The following SLC1A7 variants were observed in gnomAD, a reference collection of about 807,000 sequenced individuals.
SLC1A7 encodes excitatory amino acid transporter 5.
In SLC1A7, 40 loss-of-function variants were observed where a neutral mutation model predicts 47.7. The observed-to-expected ratio is 0.84, with a 90% CI of 0.65 to 1.09. The LOEUF (loss-of-function observed/expected upper bound fraction) is 1.09, where lower values mean the gene tolerates loss of function less well. Among genes scored for constraint, SLC1A7 ranks in the 50% least tolerant of loss-of-function variants. The pLI, the probability that SLC1A7 is intolerant of heterozygous loss-of-function variation, is 0.00. For synonymous variants in SLC1A7, 323 were observed against 325.6 expected, an observed-to-expected ratio of 0.99 and a Z score of 0.09; for missense variants, 746 against 769.5, an observed-to-expected ratio of 0.97 and a Z score of 0.36.
intron 9 of SLC1A7, 31 bp from the exon 10 acceptor site, chr1:53,089,010 G>A (rs1644390954): frequency 6.5e-7 from 1 of 1,548,650 alleles, no homozygotes; most frequent in Non-Finnish European, 8.9e-7. Flanking sequence ...GTGAGTGGTG[G>A]GCACTTGAAG....
intron 1 of SLC1A7, among the ~76,000 whole-genome samples, 180 bp from the exon 2 acceptor site, chr1:53,134,609 C>G (rs1400745771): frequency 6.6e-6 from 1 of 152,126 alleles, no homozygotes; most frequent in African/African-American, 2.4e-5. Flanking sequence ...CTGGTAAACA[C>G]CCCGCCTCCA....
chr1:53,105,711 A>G (rs991406725), intron 4 of SLC1A7, 21 bp downstream of exon 4: 6 of 1,600,648 alleles, frequency 3.7e-6, no homozygotes, highest in Non-Finnish European at 4.3e-6. Flanking sequence ...CCTCCCCTCC[A>G]CTGCCCAGAG....
intron 1 of SLC1A7, among the ~76,000 whole-genome samples, chr1:53,140,635 A>G (rs1645048571): frequency 6.6e-6 from 1 of 152,178 alleles, no homozygotes; most frequent in Non-Finnish European, 1.5e-5. Context: ...TTTAACAGGT[A>G]CATAAGGGAG....
At chr1:53,104,950 G>A (rs1014417857) in intron 4 of SLC1A7, among the ~76,000 whole-genome samples, 1 of 152,214 alleles carries the variant, frequency 6.6e-6, no homozygotes, top group Non-Finnish European at 1.5e-5. Flanking sequence ...ACTGAAAGGG[G>A]GAGTGGGAAA....
intron 2 of SLC1A7, among the ~76,000 whole-genome samples, chr1:53,128,733 C>A (rs1293111619): frequency 7.0e-6 from 1 of 142,268 alleles, no homozygotes; most frequent in Non-Finnish European, 1.6e-5. Flanking sequence ...GGGCAGGGGA[C>A]AGGTGAGCTG....
intron 3 of SLC1A7, chr1:53,108,197 C>T: frequency 4.8e-6 from 1 of 207,990 alleles, no homozygotes; most frequent in Non-Finnish European, 9.7e-6. Flanking sequence ...CTCCAACCTG[C>T]CGCCCCACAC....
At chr1:53,136,543 T>TA (rs1644996255) in intron 1 of SLC1A7, among the ~76,000 whole-genome samples, 5 of 56,748 alleles carry the variant, frequency 8.8e-5, no homozygotes, top group Admixed American at 3.1e-4. Flanking sequence ...TAAACATATA[T>TA]ATAATATATA....
In SLC1A7 at chr1:53,096,675, A is replaced by G. The variant is rs60465442; in HGVS notation, c.698-3115T>C. 6.9e-3 allele frequency among the ~76,000 whole-genome samples: 1,041 copies of G among 150,924 alleles called. 6 individuals are homozygous for G. The highest frequency in any genetic ancestry group is 0.022 in the African/African-American group (916 of 41,070). ...ACACATCCACACACACTGCCTCAGT[A>G]CACACACACACCGCCTCAATACACT... On this transcript the variant is annotated intron_variant, in intron 5 of 10. Transcript: ENST00000371494.
At chr1:53,097,052 C>T (rs527287333) in intron 5 of SLC1A7, among the ~76,000 whole-genome samples, 28 of 148,946 alleles carry the variant, frequency 1.9e-4, no homozygotes, top group African/African-American at 5.7e-4. Context: ...CAACCTGCCT[C>T]GGTACAATCA....
rs140446430 is a variant in SLC1A7 at position 53,121,271 on chromosome 1, G to A, written c.216-6298C>T. On this transcript the variant is annotated intron_variant, in intron 2 of 10. Transcript: ENST00000371494. ...TGACATTCTAGATCAGACGTGAAAA[G>A]GACGACTTGTGTGCCCAGGTGACTG... Among the ~76,000 whole-genome samples, 124 of 152,322 alleles carry A rather than the reference G, an allele frequency of 8.1e-4. 2 individuals carry two copies. Among genetic ancestry groups the A allele is most frequent in the African/African-American group, 2.9e-3 (119 of 41,574 alleles).
chr1:53,123,373 G>A (rs552151175), intron 2 of SLC1A7, among the ~76,000 whole-genome samples: 8 of 152,316 alleles, frequency 5.3e-5, no homozygotes, highest in African/African-American at 1.7e-4. Context: ...CCAGTGCAGC[G>A]GTTCTCCACA....
intron 5 of SLC1A7, among the ~76,000 whole-genome samples, chr1:53,097,955 C>CAA (rs1644518183): frequency 9.0e-5 from 4 of 44,470 alleles, no homozygotes; most frequent in South Asian, 7.3e-4. Flanking sequence ...ACACACCATG[C>CAA]CTCGGTACAC....
At chr1:53,105,808 A>G (rs920915025) in intron 3 of SLC1A7, 34 bp from the exon 4 acceptor site, 4 of 1,600,284 alleles carry the variant, frequency 2.5e-6, no homozygotes, top group Non-Finnish European at 8.6e-7. Flanking sequence ...AAAATTCCAG[A>G]GCCCAGGACA....
At chr1:53,113,698 C>A (rs1644723776) in intron 3 of SLC1A7, among the ~76,000 whole-genome samples, 1 of 152,154 alleles carries the variant, frequency 6.6e-6, no homozygotes. Flanking sequence ...TTGGATCATG[C>A]CGCTTCTCTG....
intron 3 of SLC1A7, chr1:53,108,605 G>C: frequency 1.4e-6 from 1 of 717,980 alleles, no homozygotes. Flanking sequence ...AGGACCCTTT[G>C]GTCCGTTCCT....
At chr1:53,100,767 C>T (rs1391150248) in intron 5 of SLC1A7, among the ~76,000 whole-genome samples, 1 of 129,574 alleles carries the variant, frequency 7.7e-6, no homozygotes, top group Non-Finnish European at 1.7e-5. Flanking sequence ...CACACACTGC[C>T]TTGGTATACT....
intron 2 of SLC1A7, among the ~76,000 whole-genome samples, chr1:53,120,706 T>C (rs1463294238): frequency 6.6e-6 from 1 of 152,338 alleles, no homozygotes; most frequent in East Asian, 1.9e-4. Flanking sequence ...CCCAGTTTGT[T>C]ACGGAGCACC....
At chr1:53,103,640 T>C in intron 4 of SLC1A7, 72 bp from the exon 5 acceptor site, 1 of 875,498 alleles carries the variant, frequency 1.1e-6, no homozygotes. Flanking sequence ...ACAACAATAA[T>C]AGCATCTTGA....
At chr1:53,130,685 T>C (rs1644934034) in intron 2 of SLC1A7, among the ~76,000 whole-genome samples, 1 of 152,160 alleles carries the variant, frequency 6.6e-6, no homozygotes, top group Admixed American at 6.5e-5. Flanking sequence ...CTTTCGGAGC[T>C]CTGAAAGCAA....
Sources: gnomAD v4.1 joint callset for allele counts (sites outside exome capture counted in the v4.1 genomes callset) on GRCh38, gnomAD v4.1.1 for gene constraint, MANE v1.5 for transcripts, NCBI Gene and HGNC (gene_info 2026-07-23, HGNC 2026-07-21) for gene names.